EFCAB3: variants seen among roughly 807,000 people sequenced by gnomAD.
EFCAB3 encodes EF-hand calcium binding domain 3, also known as EF-hand calcium-binding domain-containing protein 3.
EFCAB3 carries 36 observed loss-of-function variants against 42.2 expected under a neutral mutation model. The observed-to-expected ratio is 0.85, with a 90% CI of 0.65 to 1.13. EFCAB3 has a LOEUF of 1.13. EFCAB3 is among the 50% of genes most tolerant of loss of function. EFCAB3 has a pLI of 0.00. For missense variants in EFCAB3, 418 were observed against 505.1 expected (o/e 0.83, Z 1.65); for synonymous variants, 170 against 172.8 (o/e 0.98, Z 0.13).
intron 2 of EFCAB3, among the ~76,000 whole-genome samples, chr17:62,374,969 C>T (rs1016233790): frequency 3.3e-5 from 5 of 152,042 alleles, no homozygotes; most frequent in Admixed American, 2.6e-4. Flanking sequence ...CAAAAATTAG[C>T]CATGTGTGGT....
intron 2 of EFCAB3, among the ~76,000 whole-genome samples, chr17:62,386,289 C>T (rs2070250259): frequency 6.6e-6 from 1 of 152,040 alleles, no homozygotes; most frequent in African/African-American, 2.4e-5. Flanking sequence ...TACAAAGTAT[C>T]TTGAAAGTAT....
chr17:62,388,624 G>A (rs917313141), intron 3 of EFCAB3, among the ~76,000 whole-genome samples: 14 of 152,342 alleles, frequency 9.2e-5, no homozygotes, highest in African/African-American at 3.1e-4. Context: ...AGCCCTGACA[G>A]GGGCAGTCCC....
At chr17:62,400,241 T>A (rs2070389199) in intron 6 of EFCAB3, among the ~76,000 whole-genome samples, 1 of 152,218 alleles carries the variant, frequency 6.6e-6, no homozygotes, top group African/African-American at 2.4e-5. Context: ...CTTATTTTTT[T>A]ATTATACTTT....
At position 62,411,918 on chromosome 17, in the gene EFCAB3, AAGAC is replaced by A. The variant is rs1218564088; in HGVS notation, c.868-1806_868-1803del. Among the ~76,000 whole-genome samples the A allele has an allele frequency of 5.4e-4, 82 of 150,530 alleles. 1 individual carries two copies. Among genetic ancestry groups the A allele is most frequent in the Non-Finnish European group, 9.2e-4 (62 of 67,688 alleles). On this transcript the variant is annotated intron_variant, in intron 8 of 9. Coordinates refer to ENST00000305286, the MANE Select transcript of EFCAB3 (RefSeq NM_173503.4). The stretch of plus-strand genomic sequence containing the variant: ...GAAGGAAGGAAGGGAGGGAGGGAGG[AAGAC>A]AGACAGAAAAAATAAATAACTTACA...
At chr17:62,407,668 G>T (rs1051291869) in intron 8 of EFCAB3, among the ~76,000 whole-genome samples, 1 of 152,166 alleles carries the variant, frequency 6.6e-6, no homozygotes, top group Non-Finnish European at 1.5e-5. Flanking sequence ...GCACCTTCTG[G>T]CCTTGCTTCA....
chr17:62,400,195 A>G (rs539213469), intron 6 of EFCAB3, among the ~76,000 whole-genome samples: 1 of 150,098 alleles, frequency 6.7e-6, no homozygotes, highest in South Asian at 2.1e-4. Flanking sequence ...GTAAAAACTT[A>G]ATTTATCTCT....
At chr17:62,402,401 A>T (rs977588786) in intron 6 of EFCAB3, among the ~76,000 whole-genome samples, 6 of 152,168 alleles carry the variant, frequency 3.9e-5, no homozygotes, top group Non-Finnish European at 8.8e-5. Flanking sequence ...GTTTTTGCCC[A>T]TTCAGTATGA....
At chr17:62,382,915 A>T (rs1567721203) in intron 1 of EFCAB3, 48 bp from the exon 2 acceptor site, 6 of 1,530,170 alleles carry the variant, frequency 3.9e-6, no homozygotes, top group Non-Finnish European at 4.4e-6. Flanking sequence ...AAGAATATAA[A>T]GAATGAATCT....
intron 8 of EFCAB3, among the ~76,000 whole-genome samples, chr17:62,412,725 G>T (rs1021333466): frequency 6.6e-6 from 1 of 151,068 alleles, no homozygotes; most frequent in Non-Finnish European, 1.5e-5. Context: ...CTCCCAAAGT[G>T]CTGGAATCAC....
chr17:62,378,898 A>G (rs1598004537), upstream of EFCAB3, among the ~76,000 whole-genome samples: 1 of 136,300 alleles, frequency 7.3e-6, no homozygotes, highest in East Asian at 1.9e-4. Flanking sequence ...CGTTCTGCAC[A>G]TGTGTCCCAG....
chr17:62,404,137 C>T (rs182396329), intron 6 of EFCAB3, among the ~76,000 whole-genome samples: 1 of 152,296 alleles, frequency 6.6e-6, no homozygotes, highest in Non-Finnish European at 1.5e-5. Flanking sequence ...GTTACAGCTA[C>T]TTGGGAGGCT....
intron 1 of EFCAB3, among the ~76,000 whole-genome samples, chr17:62,370,585 G>A (rs557302775): frequency 2.0e-5 from 3 of 152,014 alleles, no homozygotes; most frequent in East Asian, 3.9e-4. Flanking sequence ...GAACCCAGGA[G>A]GGGGAGGTTG....
At chr17:62,390,217 T>C (rs2070291742) in intron 3 of EFCAB3, among the ~76,000 whole-genome samples, 1 of 152,176 alleles carries the variant, frequency 6.6e-6, no homozygotes, top group Non-Finnish European at 1.5e-5. Flanking sequence ...AGGATTGATA[T>C]AATAGAAAAT....
At chr17:62,406,413 T>C in intron 6 of EFCAB3, 67 bp from the exon 7 acceptor site, 1 of 1,384,496 alleles carries the variant, frequency 7.2e-7, no homozygotes, top group African/African-American at 1.5e-5. Flanking sequence ...AACTAGCAAC[T>C]TGACTTTTTA....
chr17:62,380,622 C>A lies in EFCAB3; in HGVS notation c.-18+9C>A. 1.0e-6 allele frequency: 1 copy of A among 983,776 alleles called. No homozygotes were observed. The highest frequency in any genetic ancestry group is 1.2e-6 in the Non-Finnish European group (1 of 828,502). 60.9% of individuals were successfully genotyped at this position (983,776 alleles called of 1,614,324 possible). The stretch of plus-strand genomic sequence containing the variant: ...GCACGGCTTAAAAGTAGGTAAATAT[C>A]GTGATTTTGTAGGATTCTATGCTAA... On this transcript the variant is annotated intron_variant, in intron 1 of 9. Transcript: ENST00000305286.
intron 1 of EFCAB3, among the ~76,000 whole-genome samples, chr17:62,373,437 A>T (rs1333411319): frequency 6.8e-6 from 1 of 146,168 alleles, no homozygotes; most frequent in Admixed American, 6.8e-5. Context: ...ACATAGGGAG[A>T]CCCCCATCTC....
intron 9 of EFCAB3, among the ~76,000 whole-genome samples, chr17:62,414,693 T>C (rs563247784): frequency 2.0e-5 from 3 of 152,282 alleles, no homozygotes; most frequent in African/African-American, 7.2e-5. Flanking sequence ...TGTGTCTCAG[T>C]TGATAGCATC....
upstream of EFCAB3, among the ~76,000 whole-genome samples, chr17:62,377,213 C>G (rs943666481): frequency 2.6e-5 from 4 of 152,076 alleles, no homozygotes; most frequent in African/African-American, 9.7e-5. Flanking sequence ...TATATATTAC[C>G]TTATATAGCC....
In EFCAB3 at chr17:62,373,838, C is replaced by A; in HGVS notation, c.59C>A (p.Ser20Ter). ...GGAAATGGAAAGATTAATGTTAATT[C>A]AATAATGGAGGGCCTGAAGAAGTTT... Residue 20 changes from serine to a stop codon, truncating the protein, a stop_gained, in exon 2 of 12, where the codon TCA becomes TAA. Coordinates refer to the EFCAB3 transcript ENST00000450662. LOFTEE classifies it high-confidence loss of function. 1 of 1,511,572 alleles carries A rather than the reference C, an allele frequency of 6.6e-7. No homozygotes were observed. The highest frequency in any genetic ancestry group is 9.0e-7 in the Non-Finnish European group (1 of 1,114,266). 93.6% of individuals were successfully genotyped at this position (1,511,572 alleles called of 1,614,324 possible).
Sources: gnomAD v4.1 joint callset for allele counts (sites outside exome capture counted in the v4.1 genomes callset) on GRCh38, gnomAD v4.1.1 for gene constraint, MANE v1.5 for transcripts, NCBI Gene and HGNC (gene_info 2026-07-23, HGNC 2026-07-21) for gene names.